The following SLC14A2 variants were observed in gnomAD, a reference collection of about 807,000 sequenced individuals.
The protein encoded by SLC14A2 is solute carrier family 14 member 2.
A neutral mutation model predicts 104.6 loss-of-function variants in SLC14A2; 91 were observed. That is an observed-to-expected ratio of 0.87 (90% CI 0.73 to 1.04). The LOEUF is 1.04. SLC14A2 is among the 50% of genes least tolerant of loss of function. SLC14A2 has a pLI of 0.00. For synonymous variants in SLC14A2, 476 were observed against 466.4 expected (o/e 1.02, Z -0.27); for missense variants, 1,189 against 1,156.0 (o/e 1.03, Z -0.41).
the SLC14A2 span, among the ~76,000 whole-genome samples, chr18:45,178,500 A>T: frequency 6.6e-6 from 1 of 152,206 alleles, no homozygotes; most frequent in Non-Finnish European, 1.5e-5. Flanking sequence ...TTACATTAAT[A>T]TGAAATGAAA....
chr18:45,210,000 C>T (rs772253070), upstream of SLC14A2, among the ~76,000 whole-genome samples: 1 of 152,140 alleles, frequency 6.6e-6, no homozygotes, highest in Admixed American at 6.5e-5. Flanking sequence ...GGAGAAAGCC[C>T]GATAGCATCA....
At chr18:45,609,793 A>C (rs1599061417) in intron 2 of SLC14A2, among the ~76,000 whole-genome samples, 1 of 152,184 alleles carries the variant, frequency 6.6e-6, no homozygotes, top group East Asian at 1.9e-4. Context: ...TACCACCTAT[A>C]ACTAGATTCC....
At chr18:45,350,582 C>T (rs567295959) in intron 1 of SLC14A2, among the ~76,000 whole-genome samples, 62 of 152,218 alleles carry the variant, frequency 4.1e-4, no homozygotes, top group African/African-American at 1.2e-3. Flanking sequence ...GTTTATGTGA[C>T]GGGTCACACA....
Position 45,339,569 on chromosome 18 carries a change from A to AAC in SLC14A2, c.-125+126394_-125+126395dup, listed in dbSNP as rs138097851. 4.9e-3 allele frequency among the ~76,000 whole-genome samples: 738 copies of AAC among 151,094 alleles called. 6 individuals are homozygous for AAC. Among genetic ancestry groups the AAC allele is most frequent in the African/African-American group, 0.016 (660 of 41,290 alleles). ...ATTAAAATGAACACACACACACACA[A>AAC]ACACACACACACACACATTCATTAT... is the stretch of plus-strand genomic sequence containing the variant. On this transcript the variant is annotated intron_variant, in intron 1 of 20. Coordinates refer to the SLC14A2 transcript ENST00000586448.
intron 2 of SLC14A2, among the ~76,000 whole-genome samples, chr18:45,565,348 T>A (rs1222654313): frequency 6.6e-6 from 1 of 152,022 alleles, no homozygotes; most frequent in African/African-American, 2.4e-5. Flanking sequence ...ATGGTCTTGA[T>A]CTCCCGACCT....
intron 1 of SLC14A2, among the ~76,000 whole-genome samples, chr18:45,404,737 T>C (rs2086134784): frequency 6.6e-6 from 1 of 152,238 alleles, no homozygotes; most frequent in Non-Finnish European, 1.5e-5. Flanking sequence ...ATCTGGTCAC[T>C]GATGAGCAGA....
chr18:45,475,119 C>T (rs1401757047), intron 1 of SLC14A2, among the ~76,000 whole-genome samples: 1 of 152,092 alleles, frequency 6.6e-6, no homozygotes, highest in African/African-American at 2.4e-5. Context: ...TTATTTCTGC[C>T]TTAATTTCGT....
intron 12 of SLC14A2, 51 bp from the exon 13 acceptor site, chr18:45,666,884 T>C (rs1367399056): frequency 6.6e-7 from 1 of 1,526,230 alleles, no homozygotes; most frequent in Non-Finnish European, 9.0e-7. Context: ...GAATTCTCAG[T>C]GTAAGAACCA....
At chr18:45,363,262 C>A (rs2144332414) in intron 1 of SLC14A2, among the ~76,000 whole-genome samples, 1 of 152,236 alleles carries the variant, frequency 6.6e-6, no homozygotes, top group Admixed American at 6.5e-5. Context: ...GAGTGGCTCA[C>A]TTTCGGGTCC....
intron 1 of SLC14A2, among the ~76,000 whole-genome samples, chr18:45,399,489 G>A (rs1182431428): frequency 6.6e-6 from 1 of 152,178 alleles, no homozygotes; most frequent in African/African-American, 2.4e-5. Context: ...GATGTAGGCA[G>A]TCTAGCTGGG....
rs1019085486 is a variant in SLC14A2 at position 45,530,299 on chromosome 18, T to C, written c.-35+46977T>C. On this transcript the variant is annotated intron_variant, in intron 2 of 20. Coordinates refer to the SLC14A2 transcript ENST00000586448. The stretch of plus-strand genomic sequence containing the variant: ...TTGTTGTCAATTCTCCTGACAGAGA[T>C]TATTTCCTCCTTACTTTCCTATAAA... Among the ~76,000 whole-genome samples, 3 of 152,164 alleles carry C rather than the reference T, an allele frequency of 2.0e-5. No homozygotes were observed. In the South Asian group the frequency reaches 6.2e-4, roughly 32 times the overall value.
At chr18:45,323,153 C>T (rs1048505386) in intron 1 of SLC14A2, among the ~76,000 whole-genome samples, 41 of 152,250 alleles carry the variant, frequency 2.7e-4, no homozygotes, top group African/African-American at 9.4e-4. Flanking sequence ...CCAAGCTAGG[C>T]TCTTGGTGTG....
At chr18:45,439,979 G>A (rs1003866752) in intron 1 of SLC14A2, among the ~76,000 whole-genome samples, 1 of 152,186 alleles carries the variant, frequency 6.6e-6, no homozygotes, top group African/African-American at 2.4e-5. Context: ...GCAGTGCCCT[G>A]TGACTGGTTT....
chr18:45,275,419 C>A (rs16978318), intron 1 of SLC14A2, among the ~76,000 whole-genome samples: 6,970 of 152,180 alleles, frequency 0.046, 339 homozygotes, highest in East Asian at 0.19. Flanking sequence ...AGTAGTTTTG[C>A]AAACCAGTGT....
chr18:45,414,757 A>AAAATATATATAT (rs1360051908), intron 1 of SLC14A2, among the ~76,000 whole-genome samples: 15 of 76,102 alleles, frequency 2.0e-4, no homozygotes, highest in Non-Finnish European at 2.4e-4. Context: ...AAAAAAAAAA[A>AAAATATATATAT]ATATATATAT....
At chr18:45,399,785 G>T (rs951406958) in intron 1 of SLC14A2, among the ~76,000 whole-genome samples, 3 of 152,060 alleles carry the variant, frequency 2.0e-5, no homozygotes, top group Admixed American at 6.6e-5. Flanking sequence ...GAGTTAAAAG[G>T]GTTCTGATCA....
chr18:45,235,830 T>C (rs1475523302), intron 1 of SLC14A2, among the ~76,000 whole-genome samples: 23 of 94,306 alleles, frequency 2.4e-4, no homozygotes, highest in African/African-American at 3.6e-4. Context: ...TATATATATA[T>C]ACGTGTATAT....
At chr18:45,292,908 T>C (rs573594673) in intron 1 of SLC14A2, among the ~76,000 whole-genome samples, 1 of 152,134 alleles carries the variant, frequency 6.6e-6, no homozygotes, top group East Asian at 1.9e-4. Context: ...GGCTCCTTAA[T>C]GATCTTCAAG....
intron 2 of SLC14A2, among the ~76,000 whole-genome samples, chr18:45,539,894 TAAA>T (rs531647287): frequency 7.4e-6 from 1 of 135,722 alleles, no homozygotes; most frequent in Non-Finnish European, 1.6e-5. Flanking sequence ...ATGAAAAGAG[TAAA>T]AAAAAAAAAA....
Sources: gnomAD v4.1 joint callset for allele counts (sites outside exome capture counted in the v4.1 genomes callset) on GRCh38, gnomAD v4.1.1 for gene constraint, MANE v1.5 for transcripts, NCBI Gene and HGNC (gene_info 2026-07-23, HGNC 2026-07-21) for gene names.